Variants in ERBB4 observed in about 807,000 individuals in gnomAD.
ERBB4 encodes the protein erb-b2 receptor tyrosine kinase 4.
Under a neutral mutation model 158.0 loss-of-function variants are expected in ERBB4, and 42 were observed. That is an observed-to-expected ratio of 0.27 (90% CI 0.21 to 0.34). ERBB4 has a LOEUF of 0.34. Ranked by LOEUF, ERBB4 falls within the 10% of genes least tolerant of loss-of-function variation. The probability of loss-of-function intolerance (pLI) is 1.00; values close to 1 mark genes in which losing one functional copy is unlikely to be tolerated. For missense variants in ERBB4, 1,333 were observed against 1,624.1 expected, an observed-to-expected ratio of 0.82 and a Z score of 3.08; for synonymous variants, 583 against 558.7, an observed-to-expected ratio of 1.04 and a Z score of -0.61.
chr2:211,756,954 T>A (rs2075299899), intron 4 of ERBB4, among the ~76,000 whole-genome samples: 1 of 152,220 alleles, frequency 6.6e-6, no homozygotes, highest in South Asian at 2.1e-4. Context: ...TGCATCTTTC[T>A]CCAGCAGTAC....
chr2:212,142,247 T>C (rs573743965), intron 1 of ERBB4, among the ~76,000 whole-genome samples: 4 of 152,278 alleles, frequency 2.6e-5, no homozygotes, highest in African/African-American at 9.6e-5. Flanking sequence ...TCATTTACCA[T>C]GTAAGCCCTA....
At chr2:212,492,474 A>G (rs943679856) in intron 1 of ERBB4, among the ~76,000 whole-genome samples, 1 of 151,502 alleles carries the variant, frequency 6.6e-6, no homozygotes, top group African/African-American at 2.4e-5. Flanking sequence ...CATAAAAGAA[A>G]GAAAATTAAT....
intron 3 of ERBB4, among the ~76,000 whole-genome samples, chr2:211,815,905 G>A (rs889418533): frequency 5.9e-5 from 9 of 152,240 alleles, no homozygotes; most frequent in Non-Finnish European, 7.4e-5. Context: ...GCCCTTGGAC[G>A]TCAGACTCCA....
At chr2:212,012,728 T>C (rs2076419045) in intron 2 of ERBB4, among the ~76,000 whole-genome samples, 2 of 151,928 alleles carry the variant, frequency 1.3e-5, no homozygotes, top group Non-Finnish European at 1.5e-5. Context: ...GTTGTTGTTG[T>C]TGTTGTTGTT....
At chr2:211,866,895 A>C (rs1400391865) in intron 3 of ERBB4, among the ~76,000 whole-genome samples, 1 of 151,928 alleles carries the variant, frequency 6.6e-6, no homozygotes, top group African/African-American at 2.4e-5. Context: ...AAACCAAAAA[A>C]GGGGGACCTC....
intron 2 of ERBB4, among the ~76,000 whole-genome samples, chr2:212,124,073 C>T (rs971469026): frequency 1.8e-4 from 27 of 152,102 alleles, no homozygotes; most frequent in African/African-American, 6.5e-4. Context: ...CCAGTTAAAG[C>T]AAAACTTAAG....
intron 1 of ERBB4, among the ~76,000 whole-genome samples, chr2:212,330,500 C>A (rs2088085972): frequency 6.6e-6 from 1 of 151,816 alleles, no homozygotes; most frequent in Admixed American, 6.6e-5. Flanking sequence ...GCTTGTAGTA[C>A]CAGTTACTCA....
At chr2:211,693,554 CA>C (rs1179806685) in intron 12 of ERBB4, among the ~76,000 whole-genome samples, 2 of 152,132 alleles carry the variant, frequency 1.3e-5, no homozygotes, top group African/African-American at 2.4e-5. Flanking sequence ...CACATGTTCT[CA>C]AATGTCTTTT....
chr2:212,269,829 G>A (rs2085280035), intron 1 of ERBB4, among the ~76,000 whole-genome samples: 1 of 151,700 alleles, frequency 6.6e-6, no homozygotes, highest in Admixed American at 6.6e-5. Flanking sequence ...TCTACTCTTT[G>A]CCTTGTTTCC....
In ERBB4 at chr2:211,943,896, G is replaced by A. The variant is rs530815950; in HGVS notation, c.421+3534C>T. 6.1e-4 allele frequency among the ~76,000 whole-genome samples: 92 copies of A among 151,716 alleles called. 1 individual carries two copies. The highest frequency in any genetic ancestry group is 1.1e-3 in the Non-Finnish European group (76 of 67,946). ...TTAATGTGCGAATTAATCTGTATAT[G>A]TCTAAGTGACATCCAACCATTAGCT... On this transcript the variant is annotated intron_variant, in intron 3 of 27. Transcript: ENST00000342788.
rs527396212 is a variant in ERBB4 at position 211,623,500 on chromosome 2, G to A, written c.2202+422C>T. 2.1e-4 allele frequency among the ~76,000 whole-genome samples: 32 copies of A among 152,208 alleles called. No individual in the cohort carries two copies. The South Asian group carries it at 3.7e-3, about 18-fold the overall frequency. On this transcript the variant is annotated intron_variant, in intron 18 of 27. Transcript: ENST00000342788. ...GCTACTAGGATCCTGATGGAGAGGC[G>A]TTGGATAAAAAAGCAGAAGAGAAAA...
At chr2:211,839,845 C>T (rs1308781966) in intron 3 of ERBB4, among the ~76,000 whole-genome samples, 1 of 151,956 alleles carries the variant, frequency 6.6e-6, no homozygotes, top group Non-Finnish European at 1.5e-5. Flanking sequence ...TACAAAAAGA[C>T]CTACTGGGTT....
At chr2:212,352,325 TA>T (rs5838322) in intron 1 of ERBB4, among the ~76,000 whole-genome samples, 54,084 of 144,968 alleles carry the variant, frequency 0.37, 11,179 homozygotes, top group East Asian at 0.76. Context: ...AAATAAAAGT[TA>T]AAAAAAAAAA....
intron 2 of ERBB4, among the ~76,000 whole-genome samples, chr2:211,950,147 G>T (rs567952315): frequency 8.9e-4 from 135 of 152,186 alleles, no homozygotes; most frequent in Middle Eastern, 6.8e-3. Context: ...AATTCCCTTT[G>T]CAAATAACCC....
At chr2:212,224,421 G>T (rs2083405724) in intron 1 of ERBB4, among the ~76,000 whole-genome samples, 1 of 151,858 alleles carries the variant, frequency 6.6e-6, no homozygotes, top group East Asian at 1.9e-4. Context: ...TTTATTTAGG[G>T]TGGGGAGTGA....
chr2:212,235,815 T>C (rs908501476), intron 1 of ERBB4, among the ~76,000 whole-genome samples: 2 of 152,214 alleles, frequency 1.3e-5, no homozygotes, highest in African/African-American at 2.4e-5. Context: ...TGCACATTGA[T>C]TTTGTATCCT....
At chr2:211,508,898 C>G (rs1332170766) in intron 20 of ERBB4, among the ~76,000 whole-genome samples, 3 of 151,848 alleles carry the variant, frequency 2.0e-5, no homozygotes, top group Non-Finnish European at 4.4e-5. Flanking sequence ...CCACTGCACT[C>G]CAGCCTGGGT....
At chr2:211,705,288 T>C in intron 10 of ERBB4, 30 bp downstream of exon 10, 14 of 1,445,194 alleles carry the variant, frequency 9.7e-6, no homozygotes, top group Middle Eastern at 1.7e-4. Flanking sequence ...ATATTGTTCA[T>C]AGCGCAACAG....
intron 1 of ERBB4, among the ~76,000 whole-genome samples, chr2:212,478,663 A>G (rs1188715275): frequency 6.6e-6 from 1 of 152,036 alleles, no homozygotes; most frequent in Admixed American, 6.6e-5. Flanking sequence ...TATCAGTTCC[A>G]ATGGGCCTGA....
Sources: gnomAD v4.1 joint callset for allele counts (sites outside exome capture counted in the v4.1 genomes callset) on GRCh38, gnomAD v4.1.1 for gene constraint, MANE v1.5 for transcripts, NCBI Gene and HGNC (gene_info 2026-07-23, HGNC 2026-07-21) for gene names.